Variants in SOX6 observed in about 807,000 individuals in gnomAD.
The protein encoded by SOX6 is SRY-box transcription factor 6.
SOX6 carries 11 observed loss-of-function variants against 97.8 expected under a neutral mutation model. The ratio of observed to expected loss-of-function variants is 0.11; its 90% CI spans 0.07 to 0.19. The LOEUF is 0.19. Among genes scored for constraint, SOX6 ranks in the 10% least tolerant of loss-of-function variants. SOX6 has a pLI of 1.00. For synonymous variants in SOX6, 360 were observed against 371.4 expected (o/e 0.97, Z 0.35); for missense variants, 810 against 1,039.5 (o/e 0.78, Z 3.04).
chr11:16,101,458 G>C (rs552205455), intron 7 of SOX6, among the ~76,000 whole-genome samples: 2 of 151,730 alleles, frequency 1.3e-5, no homozygotes, highest in South Asian at 2.1e-4. Context: ...GATGAAAAGA[G>C]TCTTGACCTC....
chr11:16,119,042 G>C (rs1213738425), intron 6 of SOX6, among the ~76,000 whole-genome samples: 1 of 152,200 alleles, frequency 6.6e-6, no homozygotes, highest in Admixed American at 6.5e-5. Flanking sequence ...TGCAAGAAGT[G>C]CAGTCAGAAA....
intron 11 of SOX6, 37 bp from the exon 12 acceptor site, chr11:16,046,738 G>T (rs1232397785): frequency 1.3e-6 from 2 of 1,597,786 alleles, no homozygotes; most frequent in Non-Finnish European, 8.6e-7. Flanking sequence ...TGCTTGTGAG[G>T]TCAGACTCCT....
intron 7 of SOX6, among the ~76,000 whole-genome samples, chr11:16,109,887 AAC>A (rs763545753): frequency 1.3e-5 from 2 of 152,150 alleles, no homozygotes; most frequent in African/African-American, 2.4e-5. Flanking sequence ...TGCCTTATCC[AAC>A]ACAGTTTGGC....
intron 4 of SOX6, among the ~76,000 whole-genome samples, chr11:16,565,490 CA>C (rs375980624): frequency 3.7e-4 from 53 of 144,150 alleles, no homozygotes; most frequent in South Asian, 3.5e-3. Context: ...AAATATGATA[CA>C]AAAAAAAAAC....
At chr11:16,625,590 C>T (rs1330998858) in intron 3 of SOX6, among the ~76,000 whole-genome samples, 1 of 152,186 alleles carries the variant, frequency 6.6e-6, no homozygotes, top group African/African-American at 2.4e-5. Context: ...AGACTGCTCA[C>T]CAGAAATACC....
rs555803062 is a variant in SOX6, at chr11:16,591,548, T to TGG, written n.609+20531_609+20532dup. ...AACATGTTTGAAAATGATTCCATCA[T>TGG]GGTGTGAATTTTGTTACCAAAAATT... is the stretch of plus-strand genomic sequence containing the variant. On this transcript the variant is annotated intron_variant and non_coding_transcript_variant, in intron 4 of 5. Transcript: ENST00000524520. Among the ~76,000 whole-genome samples, 7 of 152,236 alleles carry TGG rather than the reference T, an allele frequency of 4.6e-5. No homozygotes were observed. In the East Asian group the frequency reaches 1.3e-3, roughly 29 times the overall value.
upstream of SOX6, among the ~76,000 whole-genome samples, chr11:16,360,430 C>T (rs773396417): frequency 6.6e-5 from 10 of 152,178 alleles, no homozygotes; most frequent in Non-Finnish European, 1.0e-4. Flanking sequence ...ATTCCTATCA[C>T]GATTACTTGT....
At chr11:16,271,581 AT>A (rs1854260319) in intron 3 of SOX6, among the ~76,000 whole-genome samples, 1 of 151,382 alleles carries the variant, frequency 6.6e-6, no homozygotes, top group African/African-American at 2.4e-5. Context: ...AACAGAGTCA[AT>A]TTTGGTTATT....
chr11:16,038,277 T>C (rs1328652631), intron 12 of SOX6, among the ~76,000 whole-genome samples: 1 of 152,082 alleles, frequency 6.6e-6, no homozygotes. Context: ...TGACGGATGA[T>C]TGTACTTTAC....
At chr11:16,437,771 C>A (rs556070216) in intron 1 of SOX6, among the ~76,000 whole-genome samples, 72 of 148,078 alleles carry the variant, frequency 4.9e-4, no homozygotes, top group Admixed American at 1.1e-3. Flanking sequence ...TTTAACTTGT[C>A]TGTGCTGAGT....
chr11:16,033,455 C>G (rs1183012409), intron 12 of SOX6, among the ~76,000 whole-genome samples: 1 of 152,130 alleles, frequency 6.6e-6, no homozygotes, highest in Non-Finnish European at 1.5e-5. Flanking sequence ...GGCTCCTGTT[C>G]TTTATTTCAT....
At chr11:16,132,771 T>C (rs77198192) in intron 6 of SOX6, among the ~76,000 whole-genome samples, 3,571 of 151,770 alleles carry the variant, frequency 0.024, 50 homozygotes, top group Middle Eastern at 0.048. Context: ...TAGCTTTGAA[T>C]GAAAAGCAAT....
At chr11:16,294,949 G>A (rs896755111) in intron 3 of SOX6, among the ~76,000 whole-genome samples, 1 of 152,076 alleles carries the variant, frequency 6.6e-6, no homozygotes, top group Middle Eastern at 3.4e-3. Context: ...GGTACCTAGT[G>A]AAAGAGCCAT....
intron 1 of SOX6, among the ~76,000 whole-genome samples, chr11:16,431,457 A>C (rs935548465): frequency 3.3e-5 from 5 of 152,160 alleles, no homozygotes; most frequent in Non-Finnish European, 7.4e-5. Context: ...GCTGAACAAA[A>C]TTTTTGAAGT....
chr11:16,292,068 T>A (rs138291215), intron 3 of SOX6, among the ~76,000 whole-genome samples: 1 of 152,204 alleles, frequency 6.6e-6, no homozygotes, highest in East Asian at 1.9e-4. Flanking sequence ...ATACTACTTA[T>A]TAGTATATAT....
intron 3 of SOX6, among the ~76,000 whole-genome samples, chr11:16,677,465 G>A (rs1166444528): frequency 6.6e-6 from 1 of 152,082 alleles, no homozygotes; most frequent in Non-Finnish European, 1.5e-5. Context: ...TTTTGTGGAG[G>A]GATGGACTTT....
chr11:16,345,570 T>C (rs1171737438), intron 1 of SOX6, among the ~76,000 whole-genome samples: 2 of 152,098 alleles, frequency 1.3e-5, no homozygotes, highest in African/African-American at 2.4e-5. Context: ...GTCTGAATGT[T>C]TGGCCTACTA....
At chr11:16,127,013 T>C (rs16932582) in intron 6 of SOX6, among the ~76,000 whole-genome samples, 1,894 of 152,196 alleles carry the variant, frequency 0.012, 38 homozygotes, top group African/African-American at 0.043. Context: ...CCTCAAAAAA[T>C]ACCCATAATG....
At chr11:16,422,037 A>G (rs1859030310) in intron 1 of SOX6, among the ~76,000 whole-genome samples, 1 of 152,226 alleles carries the variant, frequency 6.6e-6, no homozygotes, top group African/African-American at 2.4e-5. Context: ...ACTTGGCAGC[A>G]GTCCCTAGGC....
Sources: gnomAD v4.1 joint callset for allele counts (sites outside exome capture counted in the v4.1 genomes callset) on GRCh38, gnomAD v4.1.1 for gene constraint, MANE v1.5 for transcripts, NCBI Gene and HGNC (gene_info 2026-07-23, HGNC 2026-07-21) for gene names.